The following NALCN variants were observed in gnomAD, a reference collection of about 807,000 sequenced individuals.
The protein encoded by NALCN is sodium leak channel NALCN.
NALCN carries 111 observed loss-of-function variants against 225.3 expected under a neutral mutation model. The observed-to-expected ratio is 0.49, with a 90% CI of 0.42 to 0.58. NALCN has a LOEUF of 0.58. Ranked by LOEUF, NALCN falls within the 20% of genes least tolerant of loss-of-function variation. The pLI is 0.00. For synonymous variants in NALCN, 764 were observed against 769.0 expected (o/e 0.99, Z 0.11); for missense variants, 1,378 against 2,202.4 (o/e 0.63, Z 7.49).
At chr13:101,259,732 GTATATA>G (rs35199456) in intron 10 of NALCN, among the ~76,000 whole-genome samples, 2 of 119,388 alleles carry the variant, frequency 1.7e-5, no homozygotes, top group Non-Finnish European at 3.6e-5. Flanking sequence ...CATAGTAAGT[GTATATA>G]TATATATATA....
At chr13:101,155,493 A>G (rs927749189) in intron 15 of NALCN, among the ~76,000 whole-genome samples, 1 of 152,148 alleles carries the variant, frequency 6.6e-6, no homozygotes, top group African/African-American at 2.4e-5. Flanking sequence ...GATTAGACTG[A>G]GCTTATACAT....
At chr13:101,316,253 T>C (rs2044550882) in intron 7 of NALCN, among the ~76,000 whole-genome samples, 1 of 152,226 alleles carries the variant, frequency 6.6e-6, no homozygotes, top group Non-Finnish European at 1.5e-5. Flanking sequence ...TTCATCATGC[T>C]AATTAGCAAA....
intron 17 of NALCN, among the ~76,000 whole-genome samples, chr13:101,128,730 ATT>A (rs11290264): frequency 1.4e-5 from 2 of 145,798 alleles, no homozygotes; most frequent in East Asian, 2.0e-4. Flanking sequence ...GCTAAGTAAC[ATT>A]TTTTTTTTTT....
intron 12 of NALCN, 115 bp from the exon 13 acceptor site, chr13:101,229,699 T>A (rs2041273726): frequency 2.3e-6 from 2 of 857,936 alleles, no homozygotes; most frequent in Non-Finnish European, 3.2e-6. Context: ...ATCATACCTC[T>A]CTATTTGAAT....
intron 1 of NALCN, among the ~76,000 whole-genome samples, chr13:101,415,831 G>T (rs1023176532): frequency 2.0e-5 from 3 of 147,560 alleles, no homozygotes; most frequent in African/African-American, 7.8e-5. Flanking sequence ...CCCGCGCGTT[G>T]GCCCAGAGGT....
chr13:101,226,440 C>T (rs891588982), intron 13 of NALCN, among the ~76,000 whole-genome samples: 2 of 152,208 alleles, frequency 1.3e-5, no homozygotes, highest in Admixed American at 6.5e-5. Flanking sequence ...CTGTCTTTTA[C>T]TGTTGAGCTG....
chr13:101,385,439 T>TA (rs11369982), intron 3 of NALCN, among the ~76,000 whole-genome samples: 11,012 of 150,816 alleles, frequency 0.073, 735 homozygotes, highest in African/African-American at 0.18. Flanking sequence ...AGCCCTTTCA[T>TA]AAAAAAAAAG....
At chr13:101,395,059 A>G (rs1307105123) in intron 3 of NALCN, 124 bp downstream of exon 3, 13 of 873,260 alleles carry the variant, frequency 1.5e-5, no homozygotes, top group Non-Finnish European at 2.1e-5. Context: ...TTTAAAAAGG[A>G]CTTCCATATG....
chr13:101,306,754 G>A (rs2044165440), intron 7 of NALCN, among the ~76,000 whole-genome samples: 3 of 152,190 alleles, frequency 2.0e-5, no homozygotes, highest in Admixed American at 1.3e-4. Flanking sequence ...CCATTTTACT[G>A]ATACAGAAAG....
Position 101,164,253 on chromosome 13 carries a change from T to A in NALCN, c.1839+12047A>T, listed in dbSNP as rs185090899. 7.9e-5 allele frequency among the ~76,000 whole-genome samples: 12 copies of A among 152,248 alleles called. No homozygotes were observed. In the East Asian group the frequency reaches 2.3e-3, roughly 29 times the overall value. ...TTTTTGAATCTCCCACCTATACTTA[T>A]TTGACTGTAAAAATCCAGTTGGCTG... On this transcript the variant is annotated intron_variant, in intron 15 of 43. Transcript: ENST00000251127.
intron 1 of NALCN, among the ~76,000 whole-genome samples, chr13:101,410,502 T>G (rs1012289265): frequency 6.6e-6 from 1 of 152,260 alleles, no homozygotes; most frequent in African/African-American, 2.4e-5. Context: ...ATCTTCAGAA[T>G]TTACTTTTAA....
chr13:101,194,920 C>T (rs930605821), intron 13 of NALCN, among the ~76,000 whole-genome samples: 29 of 152,208 alleles, frequency 1.9e-4, no homozygotes, highest in African/African-American at 4.8e-5. Context: ...AGAAGAATTG[C>T]TTGAACCTGG....
Position 101,328,857 on chromosome 13 carries a change from C to T in NALCN, c.799+16409G>A, listed in dbSNP as rs144354471. 4.3e-4 allele frequency among the ~76,000 whole-genome samples: 66 copies of T among 152,228 alleles called. No individual in the cohort carries two copies. The East Asian group carries it at 0.011, about 26-fold the overall frequency. On this transcript the variant is annotated intron_variant, in intron 7 of 43. Coordinates refer to ENST00000251127, the MANE Select transcript of NALCN (RefSeq NM_052867.4). ...GTAAGATGCAGACTATGTCCTGAAA[C>T]CAATTCCTTCTTTTATCTGGATAGG...
chr13:101,343,804 G>A (rs2045632207), intron 7 of NALCN, among the ~76,000 whole-genome samples: 1 of 152,208 alleles, frequency 6.6e-6, no homozygotes, highest in Non-Finnish European at 1.5e-5. Context: ...GCCATTGTAA[G>A]TCAGAGTGAA....
intron 7 of NALCN, among the ~76,000 whole-genome samples, chr13:101,315,981 C>T (rs529628): frequency 0.41 from 61,980 of 151,888 alleles, 13,026 homozygotes; most frequent in Middle Eastern, 0.47. Flanking sequence ...ATATATTCTC[C>T]TCTTCCTTGC....
chr13:101,058,075 A>G lies in NALCN; in HGVS notation c.4906-19T>C, dbSNP rs750488263. The G allele has an allele frequency of 6.2e-7, 1 of 1,603,092 alleles. No individual in the cohort carries two copies. The highest frequency in any genetic ancestry group is 8.5e-7 in the Non-Finnish European group (1 of 1,174,568). On this transcript the variant is annotated intron_variant, in intron 42 of 43. Coordinates refer to ENST00000251127, the MANE Select transcript of NALCN (RefSeq NM_052867.4). ...TGCTTGTCTGCATGGGAGGAGAAGC[A>G]CACAGTTACCGTCTTTTTAACCCTG...
chr13:101,314,898 T>G (rs1025615434), intron 7 of NALCN, among the ~76,000 whole-genome samples: 1 of 151,984 alleles, frequency 6.6e-6, no homozygotes, highest in South Asian at 2.1e-4. Context: ...TACCTGAGAG[T>G]GTACTTGTTA....
intron 37 of NALCN, among the ~76,000 whole-genome samples, chr13:101,071,056 A>T (rs2032846765): frequency 1.3e-5 from 2 of 152,206 alleles, no homozygotes; most frequent in South Asian, 2.1e-4. Flanking sequence ...CAGTATCACA[A>T]GAACAGGATG....
chr13:101,156,051 G>T (rs2139843917), intron 15 of NALCN, among the ~76,000 whole-genome samples: 1 of 151,828 alleles, frequency 6.6e-6, no homozygotes, highest in East Asian at 1.9e-4. Context: ...ACTATTTATT[G>T]TATTCTTTGG....
Sources: gnomAD v4.1 joint callset for allele counts (sites outside exome capture counted in the v4.1 genomes callset) on GRCh38, gnomAD v4.1.1 for gene constraint, MANE v1.5 for transcripts, NCBI Gene and HGNC (gene_info 2026-07-23, HGNC 2026-07-21) for gene names.